SLC38A8: variants seen among roughly 807,000 people sequenced by gnomAD.
The protein encoded by SLC38A8 is amino acid transporter SLC38A8.
Under a neutral mutation model 46.0 loss-of-function variants are expected in SLC38A8, and 65 were observed. The observed-to-expected ratio is 1.41, with a 90% CI of 1.16 to 1.74. SLC38A8 has a LOEUF of 1.74. SLC38A8 is among the 40% of genes most tolerant of loss of function. The pLI is 0.00. For missense variants in SLC38A8, 998 were observed against 567.9 expected, an observed-to-expected ratio of 1.76 and a Z score of -7.70; for synonymous variants, 447 against 243.7, an observed-to-expected ratio of 1.83 and a Z score of -7.77.
At position 84,031,968 on chromosome 16, in the gene SLC38A8, G is replaced by A. The variant is rs913920782; in HGVS notation, c.531C>T (p.Ser177=). ...PREIAFQKYT[S]ILGTLAACYL... The stretch of plus-strand genomic sequence containing the variant: ...AACAGGCAGCCAGAGTGCCTAGGAT[G>A]CTAACACAGTGACCGTGTGAGGGGC... The change falls in exon 5 of 11, where the codon AGC becomes AGT. Residue 177 remains serine (S), a splice_region_variant and synonymous_variant. Transcript: ENST00000299709. The A allele has an allele frequency of 3.1e-6, 5 of 1,613,838 alleles. No homozygotes were observed. The African/African-American group carries it at 5.3e-5, about 17-fold the overall frequency.
At chr16:84,018,446 C>T (rs968547191) in intron 7 of SLC38A8, among the ~76,000 whole-genome samples, 9 of 151,998 alleles carry the variant, frequency 5.9e-5, no homozygotes, top group Non-Finnish European at 1.0e-4. Context: ...GTCTCGATCT[C>T]CTGACCTCGT....
At chr16:84,031,697 G>C (rs2085240160) in intron 5 of SLC38A8, among the ~76,000 whole-genome samples, 170 bp downstream of exon 5, 2 of 152,136 alleles carry the variant, frequency 1.3e-5, no homozygotes, top group Non-Finnish European at 2.9e-5. Flanking sequence ...TGCAGCAGAA[G>C]GAGAGTGGCC....
At chr16:84,023,970 T>G (rs2085127850) in intron 6 of SLC38A8, among the ~76,000 whole-genome samples, 1 of 152,212 alleles carries the variant, frequency 6.6e-6, no homozygotes, top group African/African-American at 2.4e-5. Context: ...TAAACACTTC[T>G]ACACCAGGGT....
At chr16:84,024,960 C>T (rs1259058881) in intron 6 of SLC38A8, among the ~76,000 whole-genome samples, 3 of 152,130 alleles carry the variant, frequency 2.0e-5, no homozygotes, top group Admixed American at 6.5e-5. Flanking sequence ...GGATTACAGG[C>T]GTGAGCCACC....
chr16:84,009,937 C>T (rs1359734267), intron 10 of SLC38A8, 60 bp from the exon 11 acceptor site: 1 of 1,481,754 alleles, frequency 6.7e-7, no homozygotes, highest in Non-Finnish European at 9.3e-7. Flanking sequence ...ATAAGCCACA[C>T]ACACATAAAA....
chr16:84,035,003 C>G (rs2085285487), intron 3 of SLC38A8, among the ~76,000 whole-genome samples: 1 of 152,170 alleles, frequency 6.6e-6, no homozygotes. Flanking sequence ...CACTCCGTCT[C>G]AGAAGCTTGG....
At chr16:84,014,248 G>T (rs1485508634) in intron 9 of SLC38A8, among the ~76,000 whole-genome samples, 1 of 139,372 alleles carries the variant, frequency 7.2e-6, no homozygotes, top group Non-Finnish European at 1.6e-5. Flanking sequence ...CCCTAAGCCC[G>T]AGGGAGAAGC....
intron 3 of SLC38A8, among the ~76,000 whole-genome samples, chr16:84,033,900 G>C (rs1041024647): frequency 6.6e-6 from 1 of 152,098 alleles, no homozygotes; most frequent in Admixed American, 6.5e-5. Context: ...AGGTCCTCAT[G>C]GTTGCAGCAG....
Position 84,022,819 on chromosome 16 carries a change from G to T in SLC38A8, c.761C>A (p.Ser254Tyr). Residue 254 changes from serine to tyrosine, a missense_variant, in exon 7 of 11, where the codon TCT (serine) becomes TAT (tyrosine). Transcript: ENST00000299709. Reference sequence around the variant, plus strand: ...GCAGCAGGCCAGCAAGGACAGCACAGACACCAGGGCCCAGTGGGAGAGGCT... The same window carrying T: ...GCAGCAGGCCAGCAAGGACAGCACATACACCAGGGCCCAGTGGGAGAGGCT... ...KRSLSHWALV[S>Y]VLSLLACCLI... 6.2e-7 allele frequency: 1 copy of T among 1,613,936 alleles called. No homozygotes were observed. Among genetic ancestry groups the T allele is most frequent in the South Asian group, 1.1e-5 (1 of 91,064 alleles).
At chr16:84,041,189 G>C (rs2085363082) in intron 2 of SLC38A8, 1 of 152,288 alleles carries the variant, frequency 6.6e-6, no homozygotes, top group South Asian at 2.1e-4. Flanking sequence ...CCCCAAAAGG[G>C]AATTCTGGCT....
intron 7 of SLC38A8, among the ~76,000 whole-genome samples, chr16:84,018,117 G>C (rs1381404724): frequency 2.6e-5 from 4 of 151,520 alleles, no homozygotes; most frequent in Non-Finnish European, 4.4e-5. Flanking sequence ...AGAAGTCCAA[G>C]ATTGAGTGCC....
chr16:84,024,205 G>A (rs2085132951), intron 6 of SLC38A8, among the ~76,000 whole-genome samples: 1 of 152,328 alleles, frequency 6.6e-6, no homozygotes, highest in Admixed American at 6.5e-5. Context: ...GGTGCTAGAA[G>A]GCAGGATGGT....
intron 6 of SLC38A8, among the ~76,000 whole-genome samples, chr16:84,023,683 C>T (rs577741774): frequency 9.6e-4 from 146 of 152,124 alleles, no homozygotes; most frequent in African/African-American, 3.2e-3. Context: ...CACTTGAGGT[C>T]AGGAGTTTGA....
chr16:84,017,138 A>T lies in SLC38A8; in HGVS notation c.953+2T>A. On this transcript the variant is annotated splice_donor_variant, in intron 8 of 10. Transcript: ENST00000299709. LOFTEE classifies it high-confidence loss of function. ...GGTGCCCCCCACTGAGCCAGGCCTC[A>T]CCTCCCCAGGAAGAGCACGATGGGG... 1 of 1,613,704 alleles carries T rather than the reference A, an allele frequency of 6.2e-7. No homozygotes were observed. The highest frequency in any genetic ancestry group is 2.2e-5 in the East Asian group (1 of 44,870).
chr16:84,027,408 G>C (rs2085177707), intron 6 of SLC38A8, among the ~76,000 whole-genome samples: 1 of 152,128 alleles, frequency 6.6e-6, no homozygotes, highest in African/African-American at 2.4e-5. Context: ...AAGTCCTGGT[G>C]TAGCCGCATT....
In SLC38A8 at chr16:84,029,160, C is replaced by T. The variant is rs139062659; in HGVS notation, c.690+334G>A. On this transcript the variant is annotated intron_variant, in intron 6 of 10. Transcript: ENST00000299709. ...GGCCTCCAGGCCTCAGGTCTGACTGCAGTCCTGTGGGGGTTCTGCAGAGGA... is the reference window on the plus strand; with the variant it reads ...GGCCTCCAGGCCTCAGGTCTGACTGTAGTCCTGTGGGGGTTCTGCAGAGGA... Among the ~76,000 whole-genome samples the T allele has an allele frequency of 2.5e-3, 386 of 152,290 alleles. 1 individual carries two copies. Among genetic ancestry groups the T allele is most frequent in the African/African-American group, 8.9e-3 (369 of 41,564 alleles).
intron 3 of SLC38A8, among the ~76,000 whole-genome samples, chr16:84,035,034 C>A (rs1159257948): frequency 6.6e-6 from 1 of 152,204 alleles, no homozygotes; most frequent in African/African-American, 2.4e-5. Context: ...AGAGAGGCAT[C>A]CCCAAATATC....
chr16:84,035,167 CCTT>C (rs1275726572), intron 3 of SLC38A8, among the ~76,000 whole-genome samples: 33 of 152,204 alleles, frequency 2.2e-4, no homozygotes, highest in Non-Finnish European at 1.2e-4. Context: ...GGCTCAGAAT[CCTT>C]CTTAACACAG....
At chr16:84,016,432 G>C (rs12929392) in intron 9 of SLC38A8, 87 bp downstream of exon 9, 399,577 of 1,476,948 alleles carry the variant, frequency 0.27, 58,122 homozygotes, top group Non-Finnish European at 0.3. Flanking sequence ...CCACCTTCCA[G>C]AACCTTGACC....
Sources: allele counts gnomAD v4.1 joint callset (sites outside exome capture counted in the v4.1 genomes callset), GRCh38; gene constraint gnomAD v4.1.1; transcripts MANE v1.5; gene names NCBI Gene and HGNC (gene_info 2026-07-23, HGNC 2026-07-21).